The following ADGRV1 variants were observed in gnomAD, a reference collection of about 807,000 sequenced individuals.
The protein encoded by ADGRV1 is G-protein coupled receptor 98.
ADGRV1 carries 359 observed loss-of-function variants against 596.2 expected under a neutral mutation model. The observed-to-expected ratio is 0.60, with a 90% CI of 0.55 to 0.66. The LOEUF (loss-of-function observed/expected upper bound fraction) is 0.66, where lower values mean the gene tolerates loss of function less well. Ranked by LOEUF, ADGRV1 falls within the 30% of genes least tolerant of loss-of-function variation. The pLI is 0.00. For synonymous variants in ADGRV1, 2,681 were observed against 2,679.2 expected (o/e 1.00, Z -0.02); for missense variants, 7,274 against 7,575.6 (o/e 0.96, Z 1.48).
intron 71 of ADGRV1, among the ~76,000 whole-genome samples, chr5:90,803,667 G>T (rs1004626042): frequency 6.6e-6 from 1 of 152,082 alleles, no homozygotes; most frequent in South Asian, 2.1e-4. Flanking sequence ...CAAGGAGAAT[G>T]AATGTGCTTT....
intron 85 of ADGRV1, among the ~76,000 whole-genome samples, chr5:91,005,319 CAT>C (rs1346070267): frequency 1.3e-5 from 2 of 151,970 alleles, no homozygotes; most frequent in African/African-American, 4.8e-5. Context: ...AAAATTGTAT[CAT>C]AACTTTGTAA....
chr5:90,940,699 G>A (rs1349790968), intron 83 of ADGRV1, among the ~76,000 whole-genome samples: 1 of 152,184 alleles, frequency 6.6e-6, no homozygotes, highest in African/African-American at 2.4e-5. Context: ...CACAGAAGGA[G>A]AGAAAGGATG....
intron 76 of ADGRV1, among the ~76,000 whole-genome samples, chr5:90,827,735 G>C (rs1280559365): frequency 6.6e-6 from 1 of 152,142 alleles, no homozygotes; most frequent in East Asian, 1.9e-4. Flanking sequence ...CAGTTAATCA[G>C]CAACAGTAAA....
At chr5:91,014,424 T>A (rs1783009056) in intron 85 of ADGRV1, among the ~76,000 whole-genome samples, 1 of 152,008 alleles carries the variant, frequency 6.6e-6, no homozygotes, top group Non-Finnish European at 1.5e-5. Context: ...CCTCCTCAAT[T>A]TTTTTGAATA....
chr5:91,148,536 A>G (rs1795749031), intron 87 of ADGRV1, among the ~76,000 whole-genome samples: 1 of 152,178 alleles, frequency 6.6e-6, no homozygotes, highest in Admixed American at 6.5e-5. Context: ...CTCTGCCTAT[A>G]TTTCAGAGGG....
chr5:91,064,775 C>T (rs75325857), intron 85 of ADGRV1, among the ~76,000 whole-genome samples: 2,284 of 152,246 alleles, frequency 0.015, 61 homozygotes, highest in African/African-American at 0.052. Flanking sequence ...CTGTATTTCT[C>T]CTTTTCTCTG....
intron 8 of ADGRV1, 69 bp downstream of exon 8, chr5:90,628,901 A>T: frequency 7.2e-7 from 1 of 1,396,730 alleles, no homozygotes; most frequent in Non-Finnish European, 9.7e-7. Context: ...GAATTTGGTC[A>T]TACACATCAA....
intron 77 of ADGRV1, among the ~76,000 whole-genome samples, chr5:90,833,373 C>T (rs371702349): frequency 6.6e-6 from 1 of 152,066 alleles, no homozygotes; most frequent in South Asian, 2.1e-4. Flanking sequence ...CAGCCTTGAC[C>T]TCCTAGGCTC....
chr5:90,609,128 G>A (rs190440358), intron 1 of ADGRV1, among the ~76,000 whole-genome samples: 1 of 151,982 alleles, frequency 6.6e-6, no homozygotes, highest in African/African-American at 2.4e-5. Context: ...ATATATTTCT[G>A]TATATATGTA....
intron 83 of ADGRV1, among the ~76,000 whole-genome samples, chr5:90,894,483 G>T (rs4580808): frequency 0.46 from 69,168 of 151,952 alleles, 16,348 homozygotes; most frequent in African/African-American, 0.57. Flanking sequence ...GCCGGCTGTG[G>T]GGTGGGAAGG....
rs56292568 is a variant in ADGRV1 at position 91,014,176 on chromosome 5, C to CA, written c.18152+28654_18152+28655insA. Among the ~76,000 whole-genome samples the CA allele has an allele frequency of 1.3e-3, 158 of 124,176 alleles. 6 individuals carry two copies. The highest frequency in any genetic ancestry group is 4.3e-3 in the Middle Eastern group (1 of 234). 81.5% of individuals were successfully genotyped at this position (124,176 alleles called of 152,430 possible). A position where few individuals can be genotyped will look rare whatever the true frequency, so the allele number is the denominator to read the frequency against. ...CACACACACACACACACACACACAC[C>CA]CCTAGACATACAGCTAACCAGGGAG... is the stretch of plus-strand genomic sequence containing the variant. On this transcript the variant is annotated intron_variant, in intron 85 of 89. Coordinates refer to ENST00000405460, the MANE Select transcript of ADGRV1 (RefSeq NM_032119.4).
rs186712803 is a variant in ADGRV1 at position 90,755,334 on chromosome 5, T to G, written c.11580+149T>G. On this transcript the variant is annotated intron_variant, in intron 55 of 89. Transcript: ENST00000405460. Reference sequence around the variant, plus strand: ...AAGTATTCTACTGTTGCCACCCACCTAAGTATTTAATAATGAATAATATTT... The same window carrying G: ...AAGTATTCTACTGTTGCCACCCACCGAAGTATTTAATAATGAATAATATTT... 2.9e-3 allele frequency: 1,602 copies of G among 561,080 alleles called. 62 individuals are homozygous for G. In the Admixed American group the frequency reaches 0.047, roughly 16 times the overall value. 34.8% of individuals were successfully genotyped at this position (561,080 alleles called of 1,614,324 possible).
intron 87 of ADGRV1, among the ~76,000 whole-genome samples, chr5:91,110,991 T>C (rs1429964380): frequency 1.3e-5 from 2 of 152,178 alleles, no homozygotes; most frequent in African/African-American, 4.8e-5. Context: ...CAACATGGAA[T>C]TTGTAGCTAA....
chr5:91,160,970 G>A (rs1171390296), intron 89 of ADGRV1, among the ~76,000 whole-genome samples: 1 of 152,178 alleles, frequency 6.6e-6, no homozygotes, highest in Non-Finnish European at 1.5e-5. Context: ...CTTTCAATAA[G>A]GCAGAGCTTG....
chr5:91,090,290 G>A lies in ADGRV1; in HGVS notation c.18311-11929G>A, dbSNP rs1291447761. Among the ~76,000 whole-genome samples the A allele has an allele frequency of 7.2e-5, 11 of 152,192 alleles. No homozygotes were observed. The East Asian group carries it at 1.4e-3, about 19-fold the overall frequency. On this transcript the variant is annotated intron_variant, in intron 86 of 89. Transcript: ENST00000405460. ...GAATTACTCTAATAATAGTTTTTGC[G>A]AGGTCTGTGTGGGTATGTCTCATCT...
At chr5:90,822,797 T>C (rs949367068) in intron 75 of ADGRV1, among the ~76,000 whole-genome samples, 1 of 152,242 alleles carries the variant, frequency 6.6e-6, no homozygotes, top group African/African-American at 2.4e-5. Context: ...TATCCTCTTT[T>C]ATTTCATTGA....
intron 74 of ADGRV1, among the ~76,000 whole-genome samples, chr5:90,815,269 A>C (rs1443190388): frequency 6.6e-6 from 1 of 152,198 alleles, no homozygotes; most frequent in Non-Finnish European, 1.5e-5. Context: ...ATGCTCTAGT[A>C]GGGCTTACAT....
At chr5:90,567,218 A>G (rs949201501) in intron 1 of ADGRV1, among the ~76,000 whole-genome samples, 1 of 151,876 alleles carries the variant, frequency 6.6e-6, no homozygotes, top group African/African-American at 2.4e-5. Context: ...TTTTGTTAAG[A>G]GTTTTTGTGT....
At chr5:90,671,449 C>G (rs1046578251) in intron 21 of ADGRV1, among the ~76,000 whole-genome samples, 1 of 152,118 alleles carries the variant, frequency 6.6e-6, no homozygotes, top group African/African-American at 2.4e-5. Flanking sequence ...GAATGTTGCC[C>G]CTGGTGTACT....
Sources: allele counts gnomAD v4.1 joint callset (sites outside exome capture counted in the v4.1 genomes callset), GRCh38; gene constraint gnomAD v4.1.1; transcripts MANE v1.5; gene names NCBI Gene and HGNC (gene_info 2026-07-23, HGNC 2026-07-21).